The following MAGI1 variants were observed in gnomAD, a reference collection of about 807,000 sequenced individuals.
The protein encoded by MAGI1 is membrane associated guanylate kinase, WW and PDZ domain containing 1, also known as membrane-associated guanylate kinase, WW and PDZ domain-containing protein 1.
MAGI1 carries 58 observed loss-of-function variants against 139.9 expected under a neutral mutation model. That is an observed-to-expected ratio of 0.41 (90% CI 0.34 to 0.52). MAGI1 has a LOEUF of 0.52. MAGI1 is among the 20% of genes least tolerant of loss of function. The pLI is 0.12. For synonymous variants in MAGI1, 812 were observed against 737.9 expected, an observed-to-expected ratio of 1.10 and a Z score of -1.63; for missense variants, 1,874 against 1,901.6, an observed-to-expected ratio of 0.99 and a Z score of 0.27.
Position 65,900,382 on chromosome 3 carries a change from A to T in MAGI1, c.313+137614T>A, listed in dbSNP as rs377758546. Among the ~76,000 whole-genome samples, 8 of 152,348 alleles carry T rather than the reference A, an allele frequency of 5.3e-5. No homozygotes were observed. The South Asian group carries it at 1.0e-3, about 20-fold the overall frequency. On this transcript the variant is annotated intron_variant, in intron 1 of 22. Transcript: ENST00000402939. ...CAGAAAACACAGTGTTATAATTGGG[A>T]AGAGGTGATAAAGGTGTGAGCAAAA...
At chr3:65,529,543 C>A (rs576548520) in intron 2 of MAGI1, among the ~76,000 whole-genome samples, 18 of 152,314 alleles carry the variant, frequency 1.2e-4, no homozygotes, top group African/African-American at 3.6e-4. Context: ...TACTTAATTC[C>A]TTTTCATGGC....
intron 14 of MAGI1, among the ~76,000 whole-genome samples, chr3:65,386,411 G>A (rs1354637945): frequency 2.0e-5 from 3 of 152,140 alleles, no homozygotes; most frequent in Admixed American, 6.6e-5. Context: ...ACACAGACAC[G>A]TTACAAAGAA....
chr3:65,891,889 TATATATATATA>T (rs2060771805), intron 1 of MAGI1, among the ~76,000 whole-genome samples: 1 of 664 alleles, frequency 1.5e-3, no homozygotes, highest in Non-Finnish European at 4.4e-3. Flanking sequence ...AAGTATAATA[TATATATATATA>T]TATATATATA....
chr3:65,436,367 A>G (rs1485738192), intron 10 of MAGI1, among the ~76,000 whole-genome samples: 1 of 152,172 alleles, frequency 6.6e-6, no homozygotes, highest in Non-Finnish European at 1.5e-5. Flanking sequence ...AAAGAAAACT[A>G]AACACAAATA....
chr3:65,913,546 T>A (rs1176087317), intron 1 of MAGI1, among the ~76,000 whole-genome samples: 1 of 152,174 alleles, frequency 6.6e-6, no homozygotes, highest in Non-Finnish European at 1.5e-5. Flanking sequence ...AAAGGAGAGA[T>A]TCCAGAAAGG....
chr3:65,989,641 G>A (rs2066060900), intron 1 of MAGI1, among the ~76,000 whole-genome samples: 2 of 152,272 alleles, frequency 1.3e-5, no homozygotes, highest in East Asian at 1.9e-4. Flanking sequence ...GGGTTCAAGT[G>A]ATCCTCCTGC....
intron 1 of MAGI1, among the ~76,000 whole-genome samples, chr3:65,941,473 T>C (rs958630063): frequency 2.0e-5 from 3 of 152,200 alleles, no homozygotes; most frequent in South Asian, 2.1e-4. Flanking sequence ...GCGCTAGTTA[T>C]TGCTTCTGTG....
Position 65,895,058 on chromosome 3 carries a change from G to A in MAGI1, c.313+142938C>T, listed in dbSNP as rs189944533. Among the ~76,000 whole-genome samples the A allele has an allele frequency of 8.5e-5, 13 of 152,262 alleles. No individual in the cohort carries two copies. In the East Asian group the frequency reaches 1.2e-3, roughly 14 times the overall value. On this transcript the variant is annotated intron_variant, in intron 1 of 22. Transcript: ENST00000402939. ...GTTATTTATTAAAACAAATAAAAAC[G>A]TCTCTTTTATTTTAGATATCTGTGA...
At chr3:65,964,924 A>G (rs1276916728) in intron 1 of MAGI1, among the ~76,000 whole-genome samples, 1 of 151,670 alleles carries the variant, frequency 6.6e-6, no homozygotes, top group African/African-American at 2.4e-5. Context: ...TCAATAAGAA[A>G]CTCTCCCGGA....
intron 2 of MAGI1, among the ~76,000 whole-genome samples, chr3:65,617,165 C>T (rs779211764): frequency 2.0e-5 from 3 of 152,210 alleles, no homozygotes; most frequent in African/African-American, 7.2e-5. Context: ...ATGATCAATA[C>T]CTCTTAGACT....
intron 1 of MAGI1, among the ~76,000 whole-genome samples, chr3:65,700,553 AT>A (rs1230582821): frequency 6.6e-6 from 1 of 152,314 alleles, no homozygotes; most frequent in East Asian, 1.9e-4. Flanking sequence ...AATTGATCTA[AT>A]GTTTTAAATA....
At chr3:65,370,136 A>G (rs905967447) in intron 18 of MAGI1, among the ~76,000 whole-genome samples, 24 of 152,092 alleles carry the variant, frequency 1.6e-4, no homozygotes, top group South Asian at 2.1e-4. Flanking sequence ...CTTCAACTCT[A>G]ATTTCCAAAA....
chr3:65,765,808 G>T (rs766894450), intron 1 of MAGI1, among the ~76,000 whole-genome samples: 2 of 152,088 alleles, frequency 1.3e-5, no homozygotes, highest in South Asian at 2.1e-4. Flanking sequence ...TGCCATTTTC[G>T]GATTTCTCTG....
chr3:65,356,237 A>G lies in MAGI1; in HGVS notation c.*141T>C, dbSNP rs1430779431. On this transcript the variant is annotated 3_prime_UTR_variant, in exon 23 of 23. Transcript: ENST00000402939. ...TATATATTTTTTCTTATAAGATTTCAAATGCATAAAATGTTTGTTGTTATT... is the reference window on the plus strand; with the variant it reads ...TATATATTTTTTCTTATAAGATTTCGAATGCATAAAATGTTTGTTGTTATT... 28 of 749,550 alleles carry G rather than the reference A, an allele frequency of 3.7e-5. No homozygotes were observed. Among genetic ancestry groups the G allele is most frequent in the Non-Finnish European group, 5.7e-5 (28 of 492,420 alleles). 46.4% of individuals were successfully genotyped at this position (749,550 alleles called of 1,614,324 possible). A position where few individuals can be genotyped will look rare whatever the true frequency, so the allele number is the denominator to read the frequency against.
intron 12 of MAGI1, among the ~76,000 whole-genome samples, chr3:65,416,033 C>T (rs1460819359): frequency 6.6e-6 from 1 of 152,164 alleles, no homozygotes; most frequent in Non-Finnish European, 1.5e-5. Flanking sequence ...AGTAACTACA[C>T]AGAATGCAAG....
chr3:65,731,544 A>G (rs1322625456), intron 1 of MAGI1, among the ~76,000 whole-genome samples: 2 of 151,284 alleles, frequency 1.3e-5, no homozygotes, highest in African/African-American at 2.4e-5. Flanking sequence ...AGTCCCAGCT[A>G]CTGGGGCGGC....
At chr3:65,704,590 G>C (rs2089828460) in intron 1 of MAGI1, among the ~76,000 whole-genome samples, 1 of 152,266 alleles carries the variant, frequency 6.6e-6, no homozygotes, top group East Asian at 1.9e-4. Flanking sequence ...CCAAGAACTT[G>C]CACATTTGAC....
At chr3:65,663,325 TA>T (rs2086311299) in intron 1 of MAGI1, among the ~76,000 whole-genome samples, 1 of 152,180 alleles carries the variant, frequency 6.6e-6, no homozygotes, top group African/African-American at 2.4e-5. Flanking sequence ...CAAAAACGTC[TA>T]AAGTTTTACT....
At position 65,437,224 on chromosome 3, in the gene MAGI1, G is replaced by C. The variant is rs148740667; in HGVS notation, c.1294C>G (p.Leu432Val). ...TGGTTTGGAATAACAGGAGGCACAA[G>C]GGCTGAGTGATCTTCTGTCCATTCT... is the stretch of plus-strand genomic sequence containing the variant. ...TEEWTEDHSA[L>V]VPPVIPNHPP... The change falls in exon 10 of 23, where the codon CTT becomes GTT. Residue 432 changes from leucine to valine, a missense_variant. Leu to Val is a conservative substitution (Grantham distance 32, BLOSUM62 1). Transcript: ENST00000402939. 5 of 1,610,998 alleles carry C rather than the reference G, an allele frequency of 3.1e-6. No homozygotes were observed. Among genetic ancestry groups the C allele is most frequent in the Admixed American group, 1.7e-5 (1 of 59,918 alleles).
Sources: allele counts gnomAD v4.1 joint callset (sites outside exome capture counted in the v4.1 genomes callset), GRCh38; gene constraint gnomAD v4.1.1; transcripts MANE v1.5; gene names NCBI Gene and HGNC (gene_info 2026-07-23, HGNC 2026-07-21).